Variants in BAZ1B observed in about 807,000 individuals in gnomAD.
BAZ1B encodes the protein bromodomain adjacent to zinc finger domain 1B, also known as tyrosine-protein kinase BAZ1B.
In BAZ1B, 22 loss-of-function variants were observed where a neutral mutation model predicts 153.8. The observed-to-expected ratio is 0.14, with a 90% confidence interval of 0.10 to 0.20. BAZ1B has a LOEUF of 0.20. Among genes scored for constraint, BAZ1B ranks in the 10% least tolerant of loss-of-function variants. BAZ1B has a pLI of 1.00. For missense variants in BAZ1B, 1,325 were observed against 1,799.3 expected (o/e 0.74, Z 4.77); for synonymous variants, 676 against 633.4 (o/e 1.07, Z -1.01).
intron 13 of BAZ1B, among the ~76,000 whole-genome samples, chr7:73,458,559 C>T (rs1484316058): frequency 2.0e-5 from 3 of 151,712 alleles, no homozygotes; most frequent in African/African-American, 7.3e-5. Flanking sequence ...ACCTGCAATT[C>T]CAGCTACTTG....
chr7:73,441,388 C>T lies in BAZ1B; in HGVS notation c.*321G>A, dbSNP rs2116202290. The T allele has an allele frequency of 6.6e-6, 1 of 152,488 alleles. No homozygotes were observed. The highest frequency in any genetic ancestry group is 2.4e-5 in the African/African-American group (1 of 41,540). 9.4% of individuals were successfully genotyped at this position (152,488 alleles called of 1,614,324 possible). On this transcript the variant is annotated 3_prime_UTR_variant, in exon 20 of 20. Coordinates refer to ENST00000339594, the MANE Select transcript of BAZ1B (RefSeq NM_032408.4). ...TGCTTTTCTTCTGCTCCCCTAAGAG[C>T]TTGACTGGTATGTGGGTGGGCTGGG...
chr7:73,454,868 T>A (rs1788136102), intron 13 of BAZ1B, among the ~76,000 whole-genome samples: 1 of 152,172 alleles, frequency 6.6e-6, no homozygotes, highest in South Asian at 2.1e-4. Flanking sequence ...TAAGGCTTTT[T>A]TTTTTTGAGA....
intron 8 of BAZ1B, among the ~76,000 whole-genome samples, chr7:73,469,905 G>A (rs1038091914): frequency 2.0e-5 from 3 of 152,106 alleles, no homozygotes; most frequent in East Asian, 1.9e-4. Flanking sequence ...ATGGGGTCTC[G>A]CTATGTTGGC....
chr7:73,512,797 T>C (rs1194786418), intron 1 of BAZ1B, among the ~76,000 whole-genome samples: 2 of 152,238 alleles, frequency 1.3e-5, no homozygotes, highest in African/African-American at 4.8e-5. Context: ...AACAGTTTCC[T>C]CTACAATACT....
At chr7:73,452,508 A>G (rs799211) in intron 13 of BAZ1B, among the ~76,000 whole-genome samples, 1,914 of 152,072 alleles carry the variant, frequency 0.013, 43 homozygotes, top group African/African-American at 0.044. Context: ...CGGATCACAA[A>G]GTCAGGAGTT....
At chr7:73,472,742 A>AATTTATTTATGTATTT in intron 7 of BAZ1B, among the ~76,000 whole-genome samples, 1 of 145,650 alleles carries the variant, frequency 6.9e-6, no homozygotes, top group Non-Finnish European at 1.5e-5. Context: ...ACAGCCAGCT[A>AATTTATTTATGTATTT]ATTTATTTAT....
Position 73,504,452 on chromosome 7 carries a change from A to G in BAZ1B, c.369+3875T>C, listed in dbSNP as rs1790253532. Among the ~76,000 whole-genome samples, 6 of 152,216 alleles carry G rather than the reference A, an allele frequency of 3.9e-5. No individual in the cohort carries two copies. In the South Asian group the frequency reaches 1.2e-3, roughly 32 times the overall value. ...GCCGAGGCGGGTGGATCACGAGGTC[A>G]GGAGATCGAGACCATCCTGGCTAAT... On this transcript the variant is annotated intron_variant, in intron 3 of 19. Transcript: ENST00000339594.
At chr7:73,515,247 G>C (rs1307538165) in intron 1 of BAZ1B, among the ~76,000 whole-genome samples, 1 of 152,080 alleles carries the variant, frequency 6.6e-6, no homozygotes, top group Non-Finnish European at 1.5e-5. Context: ...GATTGTATTA[G>C]TTTCTAACTA....
rs1407328507 is a variant in BAZ1B, at chr7:73,440,511, AAAC to A, written c.*1195_*1197del. On this transcript the variant is annotated 3_prime_UTR_variant, in exon 20 of 20. Transcript: ENST00000339594. ...CCTCTTTGAAGACAATAAAAAAAAA[AAAC>A]AACAACAAACAATTCAGGTGTCACT... 13 of 152,212 alleles carry A rather than the reference AAAC, an allele frequency of 8.5e-5. No homozygotes were observed. Among genetic ancestry groups the A allele is most frequent in the East Asian group, 7.7e-4 (4 of 5,184 alleles). 9.4% of individuals were successfully genotyped at this position (152,212 alleles called of 1,614,324 possible). A position where few individuals can be genotyped will look rare whatever the true frequency, so the allele number is the denominator to read the frequency against.
chr7:73,477,434 A>G lies in BAZ1B; in HGVS notation c.2027T>C (p.Met676Thr), dbSNP rs782517656. The change falls in exon 7 of 20, where the codon ATG becomes ACG. Residue 676 changes from methionine to threonine, a missense_variant. Physicochemically the swap from Met to Thr is moderately conservative, Grantham distance 81. Coordinates refer to ENST00000339594, the MANE Select transcript of BAZ1B (RefSeq NM_032408.4). This position sits in a 1 kb window ranked among gnomAD's most constrained non-coding sequence, Gnocchi z 5.6. ...EIAEDYGELG[M>T]KLSEIPLTLH... The stretch of plus-strand genomic sequence containing the variant: ...AGTCAAGGGGATTTCCGACAGCTTC[A>G]TTCCCAATTCACCATAGTCTTCTGC... The G allele has an allele frequency of 1.2e-6, 2 of 1,614,234 alleles. No individual in the cohort carries two copies.
chr7:73,521,501 GTCC>G (rs1554580192), intron 1 of BAZ1B, among the ~76,000 whole-genome samples: 1 of 152,154 alleles, frequency 6.6e-6, no homozygotes, highest in African/African-American at 2.4e-5. Flanking sequence ...TCCCTCTCGG[GTCC>G]TCAAGGCCTA....
intron 9 of BAZ1B, among the ~76,000 whole-genome samples, chr7:73,466,947 T>C (rs1196107282): frequency 1.3e-5 from 2 of 152,240 alleles, no homozygotes; most frequent in Admixed American, 6.5e-5. Context: ...CGTTTTGTTT[T>C]TTGAGATAGA....
chr7:73,478,925 C>A (rs557577857), intron 6 of BAZ1B, among the ~76,000 whole-genome samples: 52 of 152,228 alleles, frequency 3.4e-4, no homozygotes, highest in African/African-American at 1.2e-3. Context: ...CATCCATGGA[C>A]CCCAGATTAA....
intron 6 of BAZ1B, among the ~76,000 whole-genome samples, chr7:73,485,982 T>C (rs1172553293): frequency 1.3e-5 from 2 of 152,150 alleles, no homozygotes; most frequent in African/African-American, 4.8e-5. Flanking sequence ...TATCACCCAA[T>C]TGCCTTGTAA....
rs1789060553 is a variant in BAZ1B at position 73,478,100 on chromosome 7, G to A, written c.1361C>T (p.Pro454Leu). 5 of 1,614,192 alleles carry A rather than the reference G, an allele frequency of 3.1e-6. No homozygotes were observed. Among genetic ancestry groups the A allele is most frequent in the Non-Finnish European group, 4.2e-6 (5 of 1,180,036 alleles). ...CCTAGGTGTACCCCCAGAATTCCGT[G>A]GGGCTCGTGTCATCTTCTGCGTGCC... Reference protein sequence around the residue: ...AKGTQKMTRAPRNSGGTPRTS... With the variant: ...AKGTQKMTRALRNSGGTPRTS... The change falls in exon 7 of 20, where the codon CCA (proline) becomes CTA (leucine). Residue 454 changes from proline to leucine, a missense_variant. This residue lies in a region of BAZ1B where 219 missense variants were observed against 248.2 expected (regional missense o/e 0.88). Coordinates refer to ENST00000339594, the MANE Select transcript of BAZ1B (RefSeq NM_032408.4).
chr7:73,489,423 T>C (rs1583927172), intron 5 of BAZ1B, 32 bp from the exon 6 acceptor site: 1 of 1,611,028 alleles, frequency 6.2e-7, no homozygotes, highest in Non-Finnish European at 8.5e-7. Flanking sequence ...AACTCACCAC[T>C]GGGGTAAAAA....
intron 2 of BAZ1B, among the ~76,000 whole-genome samples, chr7:73,509,183 G>A (rs917663498): frequency 3.3e-5 from 5 of 150,348 alleles, no homozygotes; most frequent in South Asian, 2.1e-4. Context: ...TTAGCCGGGC[G>A]TGGTGGCACA....
At position 73,442,167 on chromosome 7, in the gene BAZ1B, CTCAG is replaced by C; in HGVS notation, c.*15+10_*15+13del. 1.4e-6 allele frequency: 2 copies of C among 1,476,740 alleles called. No homozygotes were observed. Among genetic ancestry groups the C allele is most frequent in the South Asian group, 1.2e-5 (1 of 81,864 alleles). 91.5% of individuals were successfully genotyped at this position (1,476,740 alleles called of 1,614,324 possible). A position where few individuals can be genotyped will look rare whatever the true frequency, so the allele number is the denominator to read the frequency against. ...CCACCCTCCCTAGCTGTCCCCCCAC[CTCAG>C]CTCCCTTACCACGGCCCTGCCTCTC... On this transcript the variant is annotated intron_variant, in intron 19 of 19. Transcript: ENST00000339594.
At chr7:73,467,518 C>T (rs1179722880) in intron 9 of BAZ1B, among the ~76,000 whole-genome samples, 1 of 151,688 alleles carries the variant, frequency 6.6e-6, no homozygotes, top group Non-Finnish European at 1.5e-5. Context: ...TACAGGTGCC[C>T]GCCACCACAC....
Sources: allele counts gnomAD v4.1 joint callset (sites outside exome capture counted in the v4.1 genomes callset), GRCh38; gene constraint gnomAD v4.1.1; regional missense constraint gnomAD v4.1.1; non-coding constraint Gnocchi (gnomAD v3.1); transcripts MANE v1.5; gene names NCBI Gene and HGNC (gene_info 2026-07-23, HGNC 2026-07-21).